SLC6A6: variants seen among roughly 807,000 people sequenced by gnomAD.
The protein encoded by SLC6A6 is sodium- and chloride-dependent taurine transporter.
A neutral mutation model predicts 68.8 loss-of-function variants in SLC6A6; 16 were observed. The ratio of observed to expected loss-of-function variants is 0.23; its 90% CI spans 0.16 to 0.35. SLC6A6 has a LOEUF of 0.35. Ranked by LOEUF, SLC6A6 falls within the 10% of genes least tolerant of loss-of-function variation. The pLI, the probability that SLC6A6 is intolerant of heterozygous loss-of-function variation, is 1.00. For missense variants in SLC6A6, 474 were observed against 802.8 expected (o/e 0.59, Z 4.95); for synonymous variants, 312 against 315.4 (o/e 0.99, Z 0.12).
Position 14,402,676 on chromosome 3 carries a change from G to T in SLC6A6, c.-225G>T, listed in dbSNP as rs1699010147. On this transcript the variant is annotated 5_prime_UTR_variant, in exon 1 of 15. Coordinates refer to ENST00000622186, the MANE Select transcript of SLC6A6 (RefSeq NM_003043.6). This position sits in a 1 kb window ranked among gnomAD's most constrained non-coding sequence, Gnocchi z 4.8. ...CCGCTTATAAATTACCGCTTCCTTC[G>T]CGCCGCCGCCAACGCCGAGCCCCGA... The T allele has an allele frequency of 2.5e-6, 1 of 398,300 alleles. No individual in the cohort carries two copies. The highest frequency in any genetic ancestry group is 4.4e-6 in the Non-Finnish European group (1 of 225,880). The allele number at this position is 398,300 out of a possible 1,614,324, so 24.7% of individuals were successfully genotyped here.
chr3:14,404,081 C>G (rs1168194176), intron 1 of SLC6A6, among the ~76,000 whole-genome samples: 2 of 152,258 alleles, frequency 1.3e-5, no homozygotes, highest in African/African-American at 4.8e-5. Flanking sequence ...CTGAGGTTTA[C>G]TGGCGCATGG....
intron 5 of SLC6A6, among the ~76,000 whole-genome samples, chr3:14,449,609 C>T (rs1237204368): frequency 1.3e-5 from 2 of 152,208 alleles, no homozygotes; most frequent in African/African-American, 2.4e-5. Context: ...CTAGCTTAGG[C>T]GGAAGTATCC....
rs76644818 is a variant in SLC6A6 at position 14,404,572 on chromosome 3, G to A, written c.-54+1725G>A. On this transcript the variant is annotated intron_variant, in intron 1 of 14. Coordinates refer to ENST00000622186, the MANE Select transcript of SLC6A6 (RefSeq NM_003043.6). Reference sequence around the variant, plus strand: ...AACCAGGGACCAGAGGTAGGAGCTTGTCCCCAGGGAACTGATTTAAGTCCT... The same window carrying A: ...AACCAGGGACCAGAGGTAGGAGCTTATCCCCAGGGAACTGATTTAAGTCCT... Among the ~76,000 whole-genome samples the A allele has an allele frequency of 4.0e-4, 61 of 152,320 alleles. 3 individuals carry two copies. In the East Asian group the frequency reaches 0.012, roughly 29 times the overall value.
intron 1 of SLC6A6, among the ~76,000 whole-genome samples, chr3:14,407,888 T>G (rs1304356962): frequency 6.6e-6 from 1 of 152,222 alleles, no homozygotes; most frequent in Non-Finnish European, 1.5e-5. Context: ...TATACTCTTT[T>G]GTCCATTTTT....
chr3:14,432,935 G>A (rs2124926656), intron 2 of SLC6A6: 1 of 152,432 alleles, frequency 6.6e-6, no homozygotes, highest in South Asian at 2.1e-4. Context: ...TGTCCAGGCT[G>A]TCAGGCCCAG....
Position 14,442,064 on chromosome 3 carries a change from C to T in SLC6A6, c.-11-1560C>T, listed in dbSNP as rs141086350. 1.3e-3 allele frequency among the ~76,000 whole-genome samples: 198 copies of T among 152,312 alleles called. 7 individuals are homozygous for T. In the South Asian group the frequency reaches 0.038, roughly 29 times the overall value. The stretch of plus-strand genomic sequence containing the variant: ...CAGATGCCCACTGGAGCCAGCCAAG[C>T]GAGTGTGTCCTGAGCTGGGTGGTGA... On this transcript the variant is annotated intron_variant, in intron 2 of 14. Transcript: ENST00000622186.
At chr3:14,435,557 A>C (rs771782885) in intron 2 of SLC6A6, among the ~76,000 whole-genome samples, 3 of 152,220 alleles carry the variant, frequency 2.0e-5, no homozygotes, top group Non-Finnish European at 4.4e-5. Context: ...GTTCCGGGCA[A>C]AACAATGCCT....
intron 2 of SLC6A6, 31 bp from the exon 3 acceptor site, chr3:14,443,588 ATCAGC>A (rs750197133): frequency 3.6e-6 from 5 of 1,402,524 alleles, no homozygotes; most frequent in Non-Finnish European, 5.0e-6. Context: ...GTGGTCCCTC[ATCAGC>A]TGCAGGATGC....
rs1478509893 is a variant in SLC6A6 at position 14,450,349 on chromosome 3, AT to A, written c.599+2537del. On this transcript the variant is annotated intron_variant, in intron 5 of 14. Coordinates refer to ENST00000622186, the MANE Select transcript of SLC6A6 (RefSeq NM_003043.6). The surrounding 1 kb of genome is among the most constrained non-coding windows in gnomAD (Gnocchi z 4.1). Reference sequence around the variant, plus strand: ...TCTCCATTCTGAGCACCCCAGCTCCATTTTCTGGCCTGGAAGACACTGAGAC... The same window carrying A: ...TCTCCATTCTGAGCACCCCAGCTCCATTTCTGGCCTGGAAGACACTGAGAC... Among the ~76,000 whole-genome samples, 1 of 151,938 alleles carries A rather than the reference AT, an allele frequency of 6.6e-6. No individual in the cohort carries two copies. Among genetic ancestry groups the A allele is most frequent in the Non-Finnish European group, 1.5e-5 (1 of 67,988 alleles).
chr3:14,455,398 G>T (rs1355018934), intron 5 of SLC6A6, among the ~76,000 whole-genome samples: 1 of 152,226 alleles, frequency 6.6e-6, no homozygotes, highest in Non-Finnish European at 1.5e-5. Flanking sequence ...CAGAATCAGG[G>T]CTCTGGAGTA....
chr3:14,424,625 C>G (rs1699550846), intron 2 of SLC6A6, among the ~76,000 whole-genome samples: 1 of 152,188 alleles, frequency 6.6e-6, no homozygotes, highest in South Asian at 2.1e-4. Flanking sequence ...TTGATTCACT[C>G]TGGGGAACCA....
intron 5 of SLC6A6, among the ~76,000 whole-genome samples, chr3:14,457,725 C>T (rs1489700378): frequency 6.6e-6 from 1 of 152,226 alleles, no homozygotes; most frequent in Non-Finnish European, 1.5e-5. Flanking sequence ...TAAGTTGAAC[C>T]TGGGTTTGCC....
chr3:14,459,085 G>T (rs1187835308), intron 6 of SLC6A6, among the ~76,000 whole-genome samples: 1 of 152,184 alleles, frequency 6.6e-6, no homozygotes, highest in African/African-American at 2.4e-5. Context: ...TCACAGGTGT[G>T]AGCCTGAACC....
At chr3:14,405,382 G>T (rs1156567) in intron 1 of SLC6A6, among the ~76,000 whole-genome samples, 3 of 152,148 alleles carry the variant, frequency 2.0e-5, no homozygotes, top group Non-Finnish European at 4.4e-5. Context: ...GATTTGGGAG[G>T]TGTACTTCTC....
At chr3:14,423,624 T>G (rs1164383974) in intron 2 of SLC6A6, among the ~76,000 whole-genome samples, 1 of 152,084 alleles carries the variant, frequency 6.6e-6, no homozygotes, top group African/African-American at 2.4e-5. Flanking sequence ...CCTTCCTGTT[T>G]TGGTGCTGTC....
chr3:14,437,404 TG>T (rs1411516439), intron 2 of SLC6A6, among the ~76,000 whole-genome samples: 9 of 152,084 alleles, frequency 5.9e-5, no homozygotes, highest in African/African-American at 2.2e-4. Context: ...ACTACAGGCA[TG>T]TGCCACCACA....
chr3:14,418,352 C>T (rs1699411310), intron 2 of SLC6A6, among the ~76,000 whole-genome samples: 1 of 152,200 alleles, frequency 6.6e-6, no homozygotes, highest in Admixed American at 6.5e-5. Context: ...CCCAGAGCTC[C>T]TCAACCTGCT....
Position 14,484,776 on chromosome 3 carries a change from T to C in SLC6A6, c.1723-91T>C. 2.9e-6 allele frequency: 4 copies of C among 1,369,304 alleles called. No homozygotes were observed. The South Asian group carries it at 3.7e-5, about 13-fold the overall frequency. 84.8% of individuals were successfully genotyped at this position (1,369,304 alleles called of 1,614,324 possible). ...AGTTTACCAAAAACCAAACAGCACATGAGCCAATTCAGGAGGAGGCAGATG... is the reference window on the plus strand; with the variant it reads ...AGTTTACCAAAAACCAAACAGCACACGAGCCAATTCAGGAGGAGGCAGATG... On this transcript the variant is annotated intron_variant, in intron 14 of 14. Transcript: ENST00000622186.
Position 14,468,291 on chromosome 3 carries a change from C to A in SLC6A6, c.1096+79C>A. On this transcript the variant is annotated intron_variant, in intron 9 of 14. Transcript: ENST00000622186. This position sits in a 1 kb window ranked among gnomAD's most constrained non-coding sequence, Gnocchi z 4.5. ...CAAGTACTGCAGGCATGAAGCCAGA[C>A]CCCAGGGGGCTTTGAGGGGGGACGA... 3.0e-6 allele frequency: 4 copies of A among 1,313,152 alleles called. No homozygotes were observed. Among genetic ancestry groups the A allele is most frequent in the Non-Finnish European group, 4.1e-6 (4 of 967,670 alleles). The allele number at this position is 1,313,152 out of a possible 1,614,324, so 81.3% of individuals were successfully genotyped here. A position where few individuals can be genotyped will look rare whatever the true frequency, so the allele number is the denominator to read the frequency against.
Sources: allele counts gnomAD v4.1 joint callset (sites outside exome capture counted in the v4.1 genomes callset), GRCh38; gene constraint gnomAD v4.1.1; non-coding constraint Gnocchi (gnomAD v3.1); transcripts MANE v1.5; gene names NCBI Gene and HGNC (gene_info 2026-07-23, HGNC 2026-07-21).